ZDHHC11: variants seen among roughly 807,000 people sequenced by gnomAD.
The protein encoded by ZDHHC11 is zDHHC palmitoyltransferase 11.
ZDHHC11 carries 44 observed loss-of-function variants against 51.3 expected under a neutral mutation model. The observed-to-expected ratio is 0.86, with a 90% CI of 0.67 to 1.10. The LOEUF (loss-of-function observed/expected upper bound fraction) is 1.10, where lower values mean the gene tolerates loss of function less well. Ranked by LOEUF, ZDHHC11 falls within the 50% of genes least tolerant of loss-of-function variation. ZDHHC11 has a pLI of 0.00. For synonymous variants in ZDHHC11, 163 were observed against 222.0 expected (o/e 0.73, Z 2.36); for missense variants, 400 against 537.7 (o/e 0.74, Z 2.53).
chr5:857,653 CTTTAT>C (rs1748443644), intron 1 of ZDHHC11, among the ~76,000 whole-genome samples: 2 of 148,906 alleles, frequency 1.3e-5, no homozygotes, highest in Non-Finnish European at 3.0e-5. Flanking sequence ...CCATCCCTGT[CTTTAT>C]GACACCAGGC....
chr5:824,985 G>T (rs1157923880), intron 8 of ZDHHC11, among the ~76,000 whole-genome samples, 179 bp downstream of exon 8: 2 of 151,514 alleles, frequency 1.3e-5, no homozygotes, highest in Non-Finnish European at 3.0e-5. Context: ...AAGCATTCCT[G>T]CCTCTCACTC....
chr5:807,095 G>T lies in ZDHHC11; in HGVS notation c.1182-5931C>A, dbSNP rs28562144. 4.6e-4 allele frequency among the ~76,000 whole-genome samples: 70 copies of T among 150,676 alleles called. 1 individual carries two copies. Among genetic ancestry groups the T allele is most frequent in the African/African-American group, 1.7e-3 (69 of 41,102 alleles). ...CTCCATGCCCAACCATAGCAGAGGGGGTAATTAAGTGTGGTACGGGGTGGA... is the reference window on the plus strand; with the variant it reads ...CTCCATGCCCAACCATAGCAGAGGGTGTAATTAAGTGTGGTACGGGGTGGA... On this transcript the variant is annotated intron_variant, in intron 11 of 12. Coordinates refer to ENST00000283441, the MANE Select transcript of ZDHHC11 (RefSeq NM_024786.3).
rs56961185 is a variant in ZDHHC11 at position 808,984 on chromosome 5, TACACAC to T, written c.1181+5771_1181+5776del. ...CATGCTCCATCTTTTGACCATCAGT[TACACAC>T]ACACACACACACACACACACACACG... is the stretch of plus-strand genomic sequence containing the variant. On this transcript the variant is annotated intron_variant, in intron 11 of 12. Transcript: ENST00000283441. Among the ~76,000 whole-genome samples the T allele has an allele frequency of 5.3e-3, 703 of 133,788 alleles. 17 individuals carry two copies. The highest frequency in any genetic ancestry group is 0.018 in the African/African-American group (648 of 35,444). The allele number at this position is 133,788 out of a possible 152,430, so 87.8% of individuals were successfully genotyped here.
chr5:818,791 G>T lies in ZDHHC11; in HGVS notation c.1146+734C>A, dbSNP rs771468384. ...TGGGAAGATCGCTTGAGCCCAGGAG[G>T]TGGAGGCTGCAGTGAGCCATTATCC... On this transcript the variant is annotated intron_variant, in intron 10 of 12. Transcript: ENST00000283441. Among the ~76,000 whole-genome samples the T allele has an allele frequency of 2.6e-5, 4 of 151,526 alleles. 1 individual carries two copies. The highest frequency in any genetic ancestry group is 1.3e-4 in the Admixed American group (2 of 15,228).
At chr5:838,439 C>T (rs1205090984) in intron 5 of ZDHHC11, among the ~76,000 whole-genome samples, 1 of 152,102 alleles carries the variant, frequency 6.6e-6, no homozygotes, top group Non-Finnish European at 1.5e-5. Flanking sequence ...CCCACAGAGG[C>T]CTATTTGCAG....
intron 7 of ZDHHC11, among the ~76,000 whole-genome samples, chr5:831,466 C>T (rs1743070814): frequency 6.7e-6 from 1 of 148,920 alleles, no homozygotes; most frequent in Non-Finnish European, 1.5e-5. Flanking sequence ...GACTGTAATC[C>T]CAGGTACTTG....
intron 12 of ZDHHC11, among the ~76,000 whole-genome samples, chr5:799,778 C>G (rs1274307495): frequency 1.3e-5 from 2 of 151,672 alleles, no homozygotes; most frequent in Non-Finnish European, 2.9e-5. Context: ...CAATTTTTTA[C>G]TGCACCAATT....
intron 1 of ZDHHC11, among the ~76,000 whole-genome samples, chr5:849,389 G>A (rs688082): frequency 0.056 from 8,598 of 152,210 alleles, 273 homozygotes; most frequent in African/African-American, 0.085. Flanking sequence ...ACAGCCGGAT[G>A]CAGCCCCAAA....
intron 8 of ZDHHC11, among the ~76,000 whole-genome samples, chr5:822,755 C>T (rs554836058): frequency 1.7e-4 from 26 of 151,728 alleles, no homozygotes; most frequent in Non-Finnish European, 3.1e-4. Flanking sequence ...GATCCTCCTG[C>T]CTTGTGGGCC....
chr5:825,220 T>C lies in ZDHHC11; in HGVS notation c.967A>G (p.Lys323Glu), dbSNP rs199526573. 322 of 1,612,676 alleles carry C rather than the reference T, an allele frequency of 2.0e-4. 7 individuals carry two copies. The highest frequency in any genetic ancestry group is 2.5e-4 in the Non-Finnish European group (299 of 1,179,160). Residue 323 changes from lysine to glutamate, a missense_variant, in exon 8 of 13, where the codon AAG (lysine) becomes GAG (glutamate). Around this residue, in one of 5 missense-constraint regions of ZDHHC11, gnomAD observed 231 missense variants for 227.4 expected, o/e 1.02. Coordinates refer to ENST00000283441, the MANE Select transcript of ZDHHC11 (RefSeq NM_024786.3). ...GAAGTGCAGAAGTGACATAAGTGCT[T>C]GTGAATCAGCAGGGAGCTCTTGGCT... ...VKAKSSLLIHKHLCHFCTSVN... is the reference protein window; with the variant it reads ...VKAKSSLLIHEHLCHFCTSVN...
chr5:845,289 A>G (rs1431831747), intron 3 of ZDHHC11, among the ~76,000 whole-genome samples: 33 of 152,282 alleles, frequency 2.2e-4, no homozygotes, highest in African/African-American at 7.5e-4. Context: ...GCTTGAGCCC[A>G]CTTGTGGGGA....
chr5:829,276 GA>G (rs1317866941), intron 7 of ZDHHC11, among the ~76,000 whole-genome samples: 1 of 151,364 alleles, frequency 6.6e-6, no homozygotes, highest in Non-Finnish European at 1.5e-5. Context: ...GAAAAGAAGA[GA>G]AAAGATCCAA....
At chr5:823,936 T>A (rs983518229) in intron 8 of ZDHHC11, 1 of 399,680 alleles carries the variant, frequency 2.5e-6, no homozygotes, top group African/African-American at 2.0e-5. Context: ...TCAATCGATT[T>A]CCACCGAGTG....
intron 9 of ZDHHC11, among the ~76,000 whole-genome samples, chr5:820,351 G>T (rs1252405159): frequency 6.6e-6 from 1 of 151,634 alleles, no homozygotes; most frequent in Non-Finnish European, 1.5e-5. Flanking sequence ...ACTTTTCCCA[G>T]TAAGCCATAC....
intron 9 of ZDHHC11, 33 bp downstream of exon 9, chr5:821,828 G>C: frequency 6.4e-7 from 1 of 1,572,570 alleles, no homozygotes. Flanking sequence ...GTTACTAATA[G>C]ATAAAATAAT....
At chr5:844,174 G>A (rs1305544540) in intron 3 of ZDHHC11, among the ~76,000 whole-genome samples, 2 of 152,222 alleles carry the variant, frequency 1.3e-5, no homozygotes, top group Non-Finnish European at 2.9e-5. Context: ...GGAAGCTCAG[G>A]CTCCTGTCTC....
At chr5:834,309 A>G (rs1336303688) in intron 6 of ZDHHC11, among the ~76,000 whole-genome samples, 1 of 152,306 alleles carries the variant, frequency 6.6e-6, no homozygotes, top group African/African-American at 2.4e-5. Context: ...CTACCTTGGT[A>G]AGGAGTTTGT....
chr5:850,900 C>A lies in ZDHHC11; in HGVS notation c.-298G>T. On this transcript the variant is annotated 5_prime_UTR_variant, in exon 1 of 13. Transcript: ENST00000283441. ...TGTGGAGGACCCAGTGCCCGCGCGA[C>A]CGCCCATCAGTTCCCCTGAGGATTT... 2 of 447,844 alleles carry A rather than the reference C, an allele frequency of 4.5e-6. No homozygotes were observed. Among genetic ancestry groups the A allele is most frequent in the Non-Finnish European group, 7.5e-6 (2 of 265,820 alleles). The allele number at this position is 447,844 out of a possible 1,614,324, so 27.7% of individuals were successfully genotyped here. A position where few individuals can be genotyped will look rare whatever the true frequency, so the allele number is the denominator to read the frequency against.
At chr5:820,543 G>C (rs377009130) in intron 9 of ZDHHC11, among the ~76,000 whole-genome samples, 1 of 151,280 alleles carries the variant, frequency 6.6e-6, no homozygotes, top group African/African-American at 2.4e-5. Context: ...CTGAGCCCCT[G>C]CCGGTGTCTG....
Sources: allele counts gnomAD v4.1 joint callset (sites outside exome capture counted in the v4.1 genomes callset), GRCh38; gene constraint gnomAD v4.1.1; regional missense constraint gnomAD v4.1.1; transcripts MANE v1.5; gene names NCBI Gene and HGNC (gene_info 2026-07-23, HGNC 2026-07-21).